The following SYT9 variants were observed in gnomAD, a reference collection of about 807,000 sequenced individuals.
SYT9 encodes the protein synaptotagmin 9.
Under a neutral mutation model 48.4 loss-of-function variants are expected in SYT9, and 22 were observed. The ratio of observed to expected loss-of-function variants is 0.45; its 90% CI spans 0.32 to 0.65. The LOEUF (loss-of-function observed/expected upper bound fraction) is 0.65. SYT9 is among the 30% of genes least tolerant of loss of function. SYT9 has a pLI of 0.03. For missense variants in SYT9, 577 were observed against 622.0 expected, an observed-to-expected ratio of 0.93 and a Z score of 0.77; for synonymous variants, 265 against 245.0, an observed-to-expected ratio of 1.08 and a Z score of -0.76.
intron 1 of SYT9, among the ~76,000 whole-genome samples, chr11:7,291,035 G>C (rs1417996540): frequency 1.3e-5 from 2 of 152,198 alleles, no homozygotes; most frequent in African/African-American, 4.8e-5. Context: ...AAAGAGCTGT[G>C]GCTTTTAGTA....
chr11:7,303,351 G>A lies in SYT9; in HGVS notation c.458G>A (p.Arg153His), dbSNP rs748814240. 3.0e-5 allele frequency: 49 copies of A among 1,612,180 alleles called. No homozygotes were observed. The highest frequency in any genetic ancestry group is 4.5e-5 in the East Asian group (2 of 44,860). Reference sequence around the variant, plus strand: ...CAGGAGAACTGTGCCCATGGCGTCCGCGTGCAGCGCCAAGTCACAGAGCCA... The same window carrying A: ...CAGGAGAACTGTGCCCATGGCGTCCACGTGCAGCGCCAAGTCACAGAGCCA... ...GIQENCAHGVRVQRQVTEPTS... is the reference protein window; with the variant it reads ...GIQENCAHGVHVQRQVTEPTS... Residue 153 changes from arginine (R) to histidine (H), a missense_variant, in exon 2 of 7, where the codon CGC becomes CAC. Arg to His is a conservative substitution (Grantham distance 29). Coordinates refer to ENST00000318881, the MANE Select transcript of SYT9 (RefSeq NM_175733.4).
intron 6 of SYT9, among the ~76,000 whole-genome samples, chr11:7,422,644 G>A (rs1847376424): frequency 6.6e-6 from 1 of 152,190 alleles, no homozygotes; most frequent in Admixed American, 6.5e-5. Flanking sequence ...GAGTGTTAAA[G>A]CTCTGTGCTT....
chr11:7,253,687 G>A (rs1279784325), intron 1 of SYT9, among the ~76,000 whole-genome samples: 1 of 152,098 alleles, frequency 6.6e-6, no homozygotes, highest in East Asian at 1.9e-4. Context: ...TGGATAATTG[G>A]GTAGAGAAAT....
chr11:7,379,274 A>G (rs1168041235), intron 3 of SYT9, among the ~76,000 whole-genome samples: 1 of 152,194 alleles, frequency 6.6e-6, no homozygotes, highest in Non-Finnish European at 1.5e-5. Flanking sequence ...CTATTAAGAA[A>G]GCATGTTAGA....
At position 7,273,823 on chromosome 11, in the gene SYT9, T is replaced by TC. The variant is rs529270642; in HGVS notation, c.145+21493dup. On this transcript the variant is annotated intron_variant, in intron 1 of 6. Coordinates refer to ENST00000318881, the MANE Select transcript of SYT9 (RefSeq NM_175733.4). ...GAACAGAAAACCAAACACTGCATGT[T>TC]CTCACTCATAAGTGGGAGTTGAACA... is the stretch of plus-strand genomic sequence containing the variant. Among the ~76,000 whole-genome samples, 71 of 152,220 alleles carry TC rather than the reference T, an allele frequency of 4.7e-4. No individual in the cohort carries two copies. In the East Asian group the frequency reaches 0.013, roughly 29 times the overall value.
At chr11:7,401,859 T>G (rs1846899377) in intron 3 of SYT9, among the ~76,000 whole-genome samples, 1 of 151,864 alleles carries the variant, frequency 6.6e-6, no homozygotes, top group African/African-American at 2.4e-5. Flanking sequence ...CCTTTATTTA[T>G]TATTTCTTTC....
intron 1 of SYT9, among the ~76,000 whole-genome samples, chr11:7,292,610 G>C (rs1848714396): frequency 6.6e-6 from 1 of 152,166 alleles, no homozygotes. Context: ...TGACCTCTTT[G>C]GCCTGTCCCC....
chr11:7,245,546 G>T (rs1440509082), intron 1 of SYT9, among the ~76,000 whole-genome samples: 1 of 151,912 alleles, frequency 6.6e-6, no homozygotes, highest in Non-Finnish European at 1.5e-5. Context: ...GCATTACCCA[G>T]TGTCTTATTC....
chr11:7,285,984 C>T (rs375387449), intron 1 of SYT9, among the ~76,000 whole-genome samples: 20 of 152,290 alleles, frequency 1.3e-4, no homozygotes, highest in East Asian at 1.9e-4. Context: ...GCTGCTTTCA[C>T]GGGCAGGTGT....
chr11:7,317,220 T>C (rs1237492158), intron 3 of SYT9, among the ~76,000 whole-genome samples: 4 of 152,214 alleles, frequency 2.6e-5, no homozygotes, highest in Non-Finnish European at 5.9e-5. Context: ...CTATTAGAAG[T>C]GTTAAGGTTT....
chr11:7,246,671 G>T (rs148373575), intron 1 of SYT9, among the ~76,000 whole-genome samples: 15 of 152,146 alleles, frequency 9.9e-5, no homozygotes, highest in African/African-American at 3.1e-4. Context: ...TGCATTAAAA[G>T]GTTGCTCCCA....
chr11:7,407,655 C>T (rs1847047492), intron 3 of SYT9, among the ~76,000 whole-genome samples: 1 of 52,224 alleles, frequency 1.9e-5, no homozygotes, highest in South Asian at 3.1e-4. Flanking sequence ...GCTGGGATTA[C>T]AGGCGTGAGC....
At chr11:7,388,499 G>T (rs72846016) in intron 3 of SYT9, among the ~76,000 whole-genome samples, 11,918 of 151,552 alleles carry the variant, frequency 0.079, 548 homozygotes, top group Middle Eastern at 0.18. Context: ...ATTATTTTCT[G>T]TTCTTGTATT....
At chr11:7,243,487 C>G (rs189482559) in intron 1 of SYT9, among the ~76,000 whole-genome samples, 1 of 152,186 alleles carries the variant, frequency 6.6e-6, no homozygotes, top group Non-Finnish European at 1.5e-5. Context: ...GCCTCCTCCT[C>G]CCCTTCTTAC....
intron 3 of SYT9, among the ~76,000 whole-genome samples, chr11:7,396,294 A>G (rs547643000): frequency 6.6e-6 from 1 of 152,112 alleles, no homozygotes; most frequent in African/African-American, 2.4e-5. Context: ...CTTTTCCTAG[A>G]ATTTGATGTA....
chr11:7,425,038 G>A (rs1313243458), intron 6 of SYT9, among the ~76,000 whole-genome samples: 1 of 152,198 alleles, frequency 6.6e-6, no homozygotes, highest in Non-Finnish European at 1.5e-5. Flanking sequence ...ACCCAGACTT[G>A]TAGTTACACA....
At chr11:7,424,841 G>A (rs936581273) in intron 6 of SYT9, among the ~76,000 whole-genome samples, 2 of 152,208 alleles carry the variant, frequency 1.3e-5, no homozygotes, top group African/African-American at 4.8e-5. Flanking sequence ...CTGCATGTCT[G>A]ACTGTCTGCT....
intron 1 of SYT9, among the ~76,000 whole-genome samples, chr11:7,256,316 G>A (rs569483186): frequency 5.3e-5 from 8 of 152,198 alleles, no homozygotes; most frequent in African/African-American, 7.2e-5. Flanking sequence ...GCTGCTGGGA[G>A]CTTGTTAGAA....
chr11:7,420,961 A>G (rs1319414270), intron 6 of SYT9, among the ~76,000 whole-genome samples: 1 of 152,176 alleles, frequency 6.6e-6, no homozygotes, highest in Non-Finnish European at 1.5e-5. Context: ...GGGGACTTTC[A>G]GGCCTTCGTA....
Sources: allele counts gnomAD v4.1 joint callset (sites outside exome capture counted in the v4.1 genomes callset), GRCh38; gene constraint gnomAD v4.1.1; transcripts MANE v1.5; gene names NCBI Gene and HGNC (gene_info 2026-07-23, HGNC 2026-07-21).